Variants in PMCH observed in about 807,000 individuals in gnomAD.
The protein encoded by PMCH is pro-MCH.
PMCH carries 8 observed loss-of-function variants against 15.9 expected under a neutral mutation model. The observed-to-expected ratio is 0.50, with a 90% confidence interval of 0.29 to 0.91. PMCH has a LOEUF of 0.91. PMCH is among the 40% of genes least tolerant of loss of function. PMCH has a pLI of 0.07. For synonymous variants in PMCH, 73 were observed against 63.8 expected, an observed-to-expected ratio of 1.14 and a Z score of -0.69; for missense variants, 169 against 185.7, an observed-to-expected ratio of 0.91 and a Z score of 0.52.
In PMCH at chr12:102,197,573, A is replaced by C; in HGVS notation, c.198T>G (p.Tyr66Ter). The change falls in exon 1 of 3, where the codon TAT becomes TAG. Residue 66 changes from tyrosine to a stop codon, truncating the protein, a stop_gained. Coordinates refer to ENST00000329406, the MANE Select transcript of PMCH (RefSeq NM_002674.4). LOFTEE classifies it high-confidence loss of function. ...KSVIAPSLEQ[Y>*]KNDESSFMNE... ...TCATGAAACTGCTCTCATCATTTTT[A>C]TATTGTTCCAGGGAAGGAGCAATAA... The C allele has an allele frequency of 6.2e-7, 1 of 1,611,016 alleles. No homozygotes were observed. Among genetic ancestry groups the C allele is most frequent in the South Asian group, 1.1e-5 (1 of 90,910 alleles).
intron 1 of PMCH, 87 bp from the exon 2 acceptor site, chr12:102,197,258 T>C: frequency 9.1e-7 from 1 of 1,097,022 alleles, no homozygotes; most frequent in South Asian, 1.5e-5. Flanking sequence ...GTTGATCAAT[T>C]CAAAGTTACT....
At position 102,196,980 on chromosome 12, in the gene PMCH, A is replaced by G. The variant is rs138736999; in HGVS notation, c.441T>C (p.Asp147=). Residue 147 remains aspartate (D), a synonymous_variant, in exon 2 of 3, where the codon GAT becomes GAC. Transcript: ENST00000329406. ...TTTGAAAAGACTACTCACTGTCAAA[A>G]TCTCTCCTTCCTATAGGAAATTTAG... is the stretch of plus-strand genomic sequence containing the variant. The part of the protein sequence containing the change: ...NSAKFPIGRR[D]FDMLRCMLGR... 6.4e-5 allele frequency: 103 copies of G among 1,609,996 alleles called. No individual in the cohort carries two copies. In the African/African-American group the frequency reaches 1.1e-3, roughly 17 times the overall value.
Position 102,196,697 on chromosome 12 carries a change from G to A in PMCH, c.453C>T (p.Leu151=). 2 of 1,606,722 alleles carry A rather than the reference G, an allele frequency of 1.2e-6. No individual in the cohort carries two copies. The highest frequency in any genetic ancestry group is 1.7e-6 in the Non-Finnish European group (2 of 1,174,194). Reference sequence around the variant, plus strand: ...GGTAGACTCTTCCCAGCATACATCTGAGCACTGAAGGAAGAAGAAAGTTTA... The same window carrying A: ...GGTAGACTCTTCCCAGCATACATCTAAGCACTGAAGGAAGAAGAAAGTTTA... The part of the protein sequence containing the change: ...FPIGRRDFDM[L]RCMLGRVYRP... Residue 151 remains leucine (L), a synonymous_variant, in exon 3 of 3, where the codon CTC becomes CTT. Transcript: ENST00000329406.
Position 102,196,967 on chromosome 12 carries a change from A to G in PMCH, c.448+6T>C, listed in dbSNP as rs1315166675. On this transcript the variant is annotated splice_donor_region_variant and intron_variant, in intron 2 of 2. Transcript: ENST00000329406. ...GTAAGAATTGAATTTTGAAAAGACT[A>G]CTCACTGTCAAAATCTCTCCTTCCT... 1.2e-6 allele frequency: 2 copies of G among 1,601,024 alleles called. No homozygotes were observed. Among genetic ancestry groups the G allele is most frequent in the African/African-American group, 2.7e-5 (2 of 74,580 alleles).
chr12:102,197,109 A>C lies in PMCH; in HGVS notation c.312T>G (p.Pro104=). 1 of 1,612,330 alleles carries C rather than the reference A, an allele frequency of 6.2e-7. No individual in the cohort carries two copies. Among genetic ancestry groups the C allele is most frequent in the South Asian group, 1.1e-5 (1 of 91,036 alleles). The change falls in exon 2 of 3, where the codon CCT becomes CCG. Residue 104 remains proline (P), a synonymous_variant. Coordinates refer to ENST00000329406, the MANE Select transcript of PMCH (RefSeq NM_002674.4). ...HGLPLNLAIK[P]YLALKGSVAF... ...CTACAGATCCTTTTAGTGCAAGATAAGGTTTTATAGCCAGATTCAGTGGCA... is the reference window on the plus strand; with the variant it reads ...CTACAGATCCTTTTAGTGCAAGATACGGTTTTATAGCCAGATTCAGTGGCA...
At position 102,197,190 on chromosome 12, in the gene PMCH, T is replaced by G; in HGVS notation, c.250-19A>C. 1.9e-6 allele frequency: 3 copies of G among 1,595,704 alleles called. No individual in the cohort carries two copies. The highest frequency in any genetic ancestry group is 2.6e-6 in the Non-Finnish European group (3 of 1,165,246). Reference sequence around the variant, plus strand: ...CTGTGTTCTGTAAAGAGAAGGTTGATTTGGTTTTTAGCTATCGTATTCGGA... The same window carrying G: ...CTGTGTTCTGTAAAGAGAAGGTTGAGTTGGTTTTTAGCTATCGTATTCGGA... On this transcript the variant is annotated intron_variant, in intron 1 of 2. Transcript: ENST00000329406.
At chr12:102,197,376 A>G in intron 1 of PMCH, 146 bp downstream of exon 1, 1 of 845,198 alleles carries the variant, frequency 1.2e-6, no homozygotes, top group South Asian at 1.8e-5. Context: ...CCTGGCATGT[A>G]AGAAATATCG....
At chr12:102,196,915 C>CA in intron 2 of PMCH, 58 bp downstream of exon 2, 2 of 1,421,760 alleles carry the variant, frequency 1.4e-6, no homozygotes, top group Non-Finnish European at 2.0e-6. Flanking sequence ...CACTTTAACT[C>CA]AGAGTTCTGT....
At chr12:102,196,934 G>A in intron 2 of PMCH, 39 bp downstream of exon 2, 1 of 1,484,942 alleles carries the variant, frequency 6.7e-7, no homozygotes, top group Non-Finnish European at 9.4e-7. Flanking sequence ...GTTTAATGGT[G>A]GTAGGATGTA....
Position 102,197,333 on chromosome 12 carries a change from A to G in PMCH, c.250-162T>C, listed in dbSNP as rs1891402123. The G allele has an allele frequency of 8.6e-6, 7 of 814,572 alleles. No homozygotes were observed. In the South Asian group the frequency reaches 9.2e-5, roughly 11 times the overall value. The allele number at this position is 814,572 out of a possible 1,614,324, so 50.5% of individuals were successfully genotyped here. A position where few individuals can be genotyped will look rare whatever the true frequency, so the allele number is the denominator to read the frequency against. ...AATTTATAGGAGAAAAAACACTTTCAGATAAGAGGTGTTTGCTGGGATGGA... is the reference window on the plus strand; with the variant it reads ...AATTTATAGGAGAAAAAACACTTTCGGATAAGAGGTGTTTGCTGGGATGGA... On this transcript the variant is annotated intron_variant, in intron 1 of 2. Coordinates refer to ENST00000329406, the MANE Select transcript of PMCH (RefSeq NM_002674.4).
chr12:102,196,795 C>G (rs962877827), intron 2 of PMCH, 94 bp from the exon 3 acceptor site: 3 of 1,122,900 alleles, frequency 2.7e-6, no homozygotes, highest in Non-Finnish European at 4.0e-6. Context: ...ATAACTAATT[C>G]TGAGTAAACC....
In PMCH at chr12:102,197,007, T is replaced by C. The variant is rs11558437; in HGVS notation, c.414A>G (p.Ser138=). The stretch of plus-strand genomic sequence containing the variant: ...CTCTCCTTCCTATAGGAAATTTAGC[T>C]GAGTTTTCTTCATCCCCAATTTCTC... ...EKREIGDEEN[S]AKFPIGRRDF... The change falls in exon 2 of 3, where the codon TCA becomes TCG. Residue 138 remains serine, a synonymous_variant. Coordinates refer to ENST00000329406, the MANE Select transcript of PMCH (RefSeq NM_002674.4). 53 of 1,611,926 alleles carry C rather than the reference T, an allele frequency of 3.3e-5. 1 individual carries two copies. The South Asian group carries it at 5.3e-4, about 16-fold the overall frequency.
chr12:102,196,780 C>G, intron 2 of PMCH, 79 bp from the exon 3 acceptor site: 1 of 1,181,222 alleles, frequency 8.5e-7, no homozygotes. Context: ...AAGAATGGAT[C>G]TAGTATAACT....
At position 102,197,558 on chromosome 12, in the gene PMCH, G is replaced by A; in HGVS notation, c.213C>T (p.Ser71=). The change falls in exon 1 of 3, where the codon AGC becomes AGT. Residue 71 remains serine, a synonymous_variant. Coordinates refer to ENST00000329406, the MANE Select transcript of PMCH (RefSeq NM_002674.4). ...PSLEQYKNDE[S]SFMNEEENKV... ...TATTTTCCTCTTCGTTCATGAAACT[G>A]CTCTCATCATTTTTATATTGTTCCA... is the stretch of plus-strand genomic sequence containing the variant. The A allele has an allele frequency of 6.2e-7, 1 of 1,610,246 alleles. No individual in the cohort carries two copies. The highest frequency in any genetic ancestry group is 1.1e-5 in the South Asian group (1 of 90,656).
chr12:102,196,643 C>G lies in PMCH; in HGVS notation c.*9G>C, dbSNP rs1396649878. Reference sequence around the variant, plus strand: ...TTTCTTCTGAAAAGATGATGTGGACCAACAGGTATCAGACTTGCCAACAAG... The same window carrying G: ...TTTCTTCTGAAAAGATGATGTGGACGAACAGGTATCAGACTTGCCAACAAG... On this transcript the variant is annotated 3_prime_UTR_variant, in exon 3 of 3. Coordinates refer to ENST00000329406, the MANE Select transcript of PMCH (RefSeq NM_002674.4). 1 of 1,600,388 alleles carries G rather than the reference C, an allele frequency of 6.2e-7. No individual in the cohort carries two copies. The highest frequency in any genetic ancestry group is 8.6e-7 in the Non-Finnish European group (1 of 1,168,068).
At chr12:102,196,745 A>G in intron 2 of PMCH, 44 bp from the exon 3 acceptor site, 1 of 1,418,654 alleles carries the variant, frequency 7.0e-7, no homozygotes, top group Non-Finnish European at 9.9e-7. Context: ...GACTATAATT[A>G]TCACACAAAA....
Position 102,197,049 on chromosome 12 carries a change from T to C in PMCH, c.372A>G (p.Glu124=), listed in dbSNP as rs1307820829. ...FPAENGVQNT[E]STQEKREIGD... is the part of the protein sequence containing the mutation. ...CAATTTCTCTCTTTTCTTGTGTTGA[T>C]TCAGTATTCTGAACTCCATTCTCAG... The change falls in exon 2 of 3, where the codon GAA becomes GAG. Residue 124 remains glutamate (E), a synonymous_variant. Transcript: ENST00000329406. The C allele has an allele frequency of 1.9e-6, 3 of 1,612,218 alleles. No homozygotes were observed. Among genetic ancestry groups the C allele is most frequent in the East Asian group, 2.2e-5 (1 of 44,788 alleles).
In PMCH at chr12:102,197,642, C is replaced by T; in HGVS notation, c.129G>A (p.Arg43=). ...LDDDMVFNTF[R]LGKGFQKEDT... ...CTTCCTTCTGAAAGCCTTTCCCCAA[C>T]CTGAATGTATTAAATACCATGTCAT... The change falls in exon 1 of 3, where the codon AGG becomes AGA. Residue 43 remains arginine (R), a synonymous_variant. Transcript: ENST00000329406. The T allele has an allele frequency of 6.2e-7, 1 of 1,612,218 alleles. No individual in the cohort carries two copies. The highest frequency in any genetic ancestry group is 8.5e-7 in the Non-Finnish European group (1 of 1,178,794).
At position 102,197,766 on chromosome 12, in the gene PMCH, G is replaced by T; in HGVS notation, c.5C>A (p.Ala2Glu). The T allele has an allele frequency of 1.9e-6, 3 of 1,574,086 alleles. No individual in the cohort carries two copies. Among genetic ancestry groups the T allele is most frequent in the Non-Finnish European group, 2.6e-6 (3 of 1,159,258 alleles). ...TATATAGGAAGAGAGATTCATTTTT[G>T]CCATTCTTAGTTTGATGTTTGCATA... M[A>E]KMNLSSYILI... Residue 2 changes from alanine (A) to glutamate (E), a missense_variant, in exon 1 of 3, where the codon GCA becomes GAA. Coordinates refer to ENST00000329406, the MANE Select transcript of PMCH (RefSeq NM_002674.4).
Sources: gnomAD v4.1 joint callset for allele counts on GRCh38, gnomAD v4.1.1 for gene constraint, MANE v1.5 for transcripts, NCBI Gene and HGNC (gene_info 2026-07-23, HGNC 2026-07-21) for gene names.